The following TAS2R1 variants were observed in gnomAD, a reference collection of about 807,000 sequenced individuals.
TAS2R1 encodes the protein taste 2 receptor member 1, also known as taste receptor type 2 member 1.
For missense variants in TAS2R1, 370 were observed against 353.4 expected (o/e 1.05, Z -0.38); for synonymous variants, 141 against 134.2 (o/e 1.05, Z -0.35).
At chr5:9,897,561 C>T in the TAS2R1 span, among the ~76,000 whole-genome samples, 1 of 152,222 alleles carries the variant, frequency 6.6e-6, no homozygotes, top group Non-Finnish European at 1.5e-5. Context: ...CGTCTATACC[C>T]AGAACTTAGG....
the TAS2R1 span, among the ~76,000 whole-genome samples, chr5:9,788,027 G>T: frequency 6.6e-6 from 1 of 152,194 alleles, no homozygotes; most frequent in African/African-American, 2.4e-5. Flanking sequence ...AGCCTGCTGG[G>T]CTGTCAACAG....
At chr5:9,650,073 A>C (rs1740269948) in intron 2 of TAS2R1, among the ~76,000 whole-genome samples, 1 of 152,168 alleles carries the variant, frequency 6.6e-6, no homozygotes, top group Admixed American at 6.6e-5. Flanking sequence ...TAAAATTAGT[A>C]GTAGAAGAAT....
At chr5:9,823,617 G>C in the TAS2R1 span, among the ~76,000 whole-genome samples, 1 of 133,122 alleles carries the variant, frequency 7.5e-6, no homozygotes, top group African/African-American at 2.9e-5. Flanking sequence ...CAGGAGGGGA[G>C]GAGAGGGAAA....
At chr5:9,794,733 A>G in the TAS2R1 span, among the ~76,000 whole-genome samples, 1 of 152,136 alleles carries the variant, frequency 6.6e-6, no homozygotes, top group African/African-American at 2.4e-5. Flanking sequence ...AAGGGGTCAC[A>G]TTTTGCTTTG....
the TAS2R1 span, among the ~76,000 whole-genome samples, chr5:9,869,717 T>C: frequency 6.6e-6 from 1 of 152,256 alleles, no homozygotes; most frequent in Non-Finnish European, 1.5e-5. Context: ...GACTAGATTG[T>C]TGAAAGTTTG....
At chr5:9,638,347 A>G (rs1740003414) in intron 2 of TAS2R1, among the ~76,000 whole-genome samples, 1 of 151,930 alleles carries the variant, frequency 6.6e-6, no homozygotes. Context: ...AGTGAAGTAG[A>G]CTCTGTGAGA....
chr5:9,822,819 G>A, the TAS2R1 span, among the ~76,000 whole-genome samples: 1 of 151,952 alleles, frequency 6.6e-6, no homozygotes, highest in Non-Finnish European at 1.5e-5. Flanking sequence ...CCCTATTGAT[G>A]AAATTAAGAT....
chr5:9,810,114 T>C, the TAS2R1 span, among the ~76,000 whole-genome samples: 1 of 152,322 alleles, frequency 6.6e-6, no homozygotes, highest in South Asian at 2.1e-4. Flanking sequence ...GCAGGACAAG[T>C]CTACTTTTAG....
At chr5:9,864,092 C>T in the TAS2R1 span, among the ~76,000 whole-genome samples, 1 of 152,208 alleles carries the variant, frequency 6.6e-6, no homozygotes, top group East Asian at 1.9e-4. Flanking sequence ...AGAATGGCTA[C>T]TTCTTCTGGG....
intron 2 of TAS2R1, among the ~76,000 whole-genome samples, chr5:9,646,705 G>A (rs1579766266): frequency 6.6e-6 from 1 of 152,102 alleles, no homozygotes; most frequent in East Asian, 1.9e-4. Flanking sequence ...TCCAGATACA[G>A]GATTGCCAGC....
the TAS2R1 span, among the ~76,000 whole-genome samples, chr5:9,849,126 C>T: frequency 6.5e-4 from 99 of 152,332 alleles, no homozygotes; most frequent in African/African-American, 2.3e-3. Context: ...TCCTTCTCTC[C>T]ATTGTGAAAA....
chr5:9,882,705 C>T, the TAS2R1 span, among the ~76,000 whole-genome samples: 10 of 152,052 alleles, frequency 6.6e-5, no homozygotes, highest in Non-Finnish European at 1.0e-4. Context: ...GAAATAGGAA[C>T]GCTTTTACAC....
chr5:9,696,452 C>A (rs576996135), intron 1 of TAS2R1, among the ~76,000 whole-genome samples: 58 of 151,982 alleles, frequency 3.8e-4, no homozygotes, highest in Middle Eastern at 3.4e-3. Flanking sequence ...ATCTCAGCTA[C>A]TTGGGAGGTT....
At chr5:9,729,666 G>A in the TAS2R1 span, among the ~76,000 whole-genome samples, 12 of 152,210 alleles carry the variant, frequency 7.9e-5, no homozygotes, top group African/African-American at 2.4e-4. Flanking sequence ...GCAGGCACGC[G>A]TAAAACCGGA....
At chr5:9,832,054 C>T in the TAS2R1 span, among the ~76,000 whole-genome samples, 1 of 152,198 alleles carries the variant, frequency 6.6e-6, no homozygotes, top group East Asian at 1.9e-4. Flanking sequence ...TACTCTCTTT[C>T]ATCTACATAA....
At chr5:9,826,121 TAA>T in the TAS2R1 span, among the ~76,000 whole-genome samples, 92 of 152,324 alleles carry the variant, frequency 6.0e-4, no homozygotes, top group African/African-American at 1.9e-3. Flanking sequence ...TTTAACATTA[TAA>T]GTCATAGATT....
chr5:9,889,706 G>A, the TAS2R1 span: 1 of 152,258 alleles, frequency 6.6e-6, no homozygotes, highest in Non-Finnish European at 1.5e-5. Context: ...TCATGTGAGA[G>A]GTCATGGAGC....
chr5:9,756,201 T>G, the TAS2R1 span, among the ~76,000 whole-genome samples: 1 of 152,182 alleles, frequency 6.6e-6, no homozygotes, highest in Non-Finnish European at 1.5e-5. Context: ...TTCCATGAGA[T>G]CTAAGAGTAA....
chr5:9,896,316 G>C, the TAS2R1 span, among the ~76,000 whole-genome samples: 1 of 152,156 alleles, frequency 6.6e-6, no homozygotes, highest in Non-Finnish European at 1.5e-5. Context: ...AATTTGGTTT[G>C]GGACTGGCTT....
Sources: allele counts gnomAD v4.1 joint callset (sites outside exome capture counted in the v4.1 genomes callset), GRCh38; gene constraint gnomAD v4.1.1; transcripts MANE v1.5; gene names NCBI Gene and HGNC (gene_info 2026-07-23, HGNC 2026-07-21).